CENPP: variants seen among roughly 807,000 people sequenced by gnomAD.
CENPP encodes the protein centromere protein P.
In CENPP, 24 loss-of-function variants were observed where a neutral mutation model predicts 35.6. That is an observed-to-expected ratio of 0.67 (90% CI 0.49 to 0.95). The LOEUF is 0.95. Among genes scored for constraint, CENPP ranks in the 40% least tolerant of loss-of-function variants. The pLI, the probability that CENPP is intolerant of heterozygous loss-of-function variation, is 0.00. For missense variants in CENPP, 332 were observed against 345.3 expected, an observed-to-expected ratio of 0.96 and a Z score of 0.31; for synonymous variants, 120 against 125.5, an observed-to-expected ratio of 0.96 and a Z score of 0.29.
At chr9:92,548,255 T>G (rs552261845) in intron 5 of CENPP, among the ~76,000 whole-genome samples, 1 of 152,310 alleles carries the variant, frequency 6.6e-6, no homozygotes, top group African/African-American at 2.4e-5. Context: ...AAAGCTCTCT[T>G]GCTGGTACTT....
rs897749111 is a variant in CENPP, at chr9:92,620,130, C to T, written c.*6981C>T. On this transcript the variant is annotated 3_prime_UTR_variant, in exon 8 of 8. Transcript: ENST00000375587. ...CCAACAGGGCAGCACGGCCGGCGTCCCACTTTACAGACAAGCAACAGACAC... is the reference window on the plus strand; with the variant it reads ...CCAACAGGGCAGCACGGCCGGCGTCTCACTTTACAGACAAGCAACAGACAC... The T allele has an allele frequency of 1.3e-5, 2 of 156,816 alleles. No homozygotes were observed. Among genetic ancestry groups the T allele is most frequent in the Admixed American group, 1.2e-4 (2 of 16,524 alleles). 9.7% of individuals were successfully genotyped at this position (156,816 alleles called of 1,614,324 possible). A position where few individuals can be genotyped will look rare whatever the true frequency, so the allele number is the denominator to read the frequency against.
Position 92,615,914 on chromosome 9 carries a change from G to GTCTT in CENPP, c.*2767_*2770dup. 1 of 1,614,218 alleles carries GTCTT rather than the reference G, an allele frequency of 6.2e-7. No homozygotes were observed. The highest frequency in any genetic ancestry group is 8.5e-7 in the Non-Finnish European group (1 of 1,180,032). On this transcript the variant is annotated 3_prime_UTR_variant, in exon 8 of 8. Coordinates refer to ENST00000375587, the MANE Select transcript of CENPP (RefSeq NM_001012267.3). Reference sequence around the variant, plus strand: ...CACGGCGTTGTCTTTGGCACGTACAGTCTTTGAATAATAGTTGACGATCTT... The same window carrying GTCTT: ...CACGGCGTTGTCTTTGGCACGTACAGTCTTTCTTTGAATAATAGTTGACGATCTT...
chr9:92,590,247 A>C (rs1850635231), intron 5 of CENPP, among the ~76,000 whole-genome samples: 1 of 152,208 alleles, frequency 6.6e-6, no homozygotes, highest in Non-Finnish European at 1.5e-5. Flanking sequence ...GGTTTTTTTC[A>C]AACTTTAACT....
intron 5 of CENPP, among the ~76,000 whole-genome samples, chr9:92,386,578 T>G (rs941828916): frequency 1.5e-4 from 23 of 152,160 alleles, no homozygotes; most frequent in Non-Finnish European, 2.9e-4. Context: ...CCGGCTCTAA[T>G]GCCAACTTCT....
At chr9:92,386,342 C>G in intron 5 of CENPP, 2 of 1,228,774 alleles carry the variant, frequency 1.6e-6, no homozygotes, top group Non-Finnish European at 2.4e-6. Context: ...TCTGTACATT[C>G]TTTCACAGGA....
In CENPP at chr9:92,514,849, C is replaced by CCCTCCTCCTCCTCAT. The variant is rs765316422; in HGVS notation, c.565-96451_565-96437dup. 4.8e-5 allele frequency: 77 copies of CCCTCCTCCTCCTCAT among 1,611,610 alleles called. No homozygotes were observed. The Middle Eastern group carries it at 9.9e-4, about 21-fold the overall frequency. On this transcript the variant is annotated intron_variant, in intron 5 of 7. Transcript: ENST00000375587. ...CTCCTCATCCTCCTCACCCTCCTCACCCTCCTCCTCCTCATCCTCCTCCTC... is the reference window on the plus strand; with the variant it reads ...CTCCTCATCCTCCTCACCCTCCTCACCCTCCTCCTCCTCATCCTCCTCCTCCTCATCCTCCTCCTC...
intron 5 of CENPP, among the ~76,000 whole-genome samples, chr9:92,387,072 A>AAAAG (rs1564290576): frequency 3.4e-5 from 5 of 149,006 alleles, no homozygotes; most frequent in African/African-American, 9.9e-5. Context: ...AAAAAAAAAA[A>AAAAG]AAAGAAATGT....
intron 5 of CENPP, among the ~76,000 whole-genome samples, chr9:92,516,071 T>A (rs528311989): frequency 7.1e-6 from 1 of 140,330 alleles, no homozygotes; most frequent in Non-Finnish European, 1.6e-5. Flanking sequence ...ATACTTTTTT[T>A]TCCCCCCCCC....
chr9:92,398,008 A>G (rs1842961521), intron 5 of CENPP, among the ~76,000 whole-genome samples: 1 of 152,118 alleles, frequency 6.6e-6, no homozygotes, highest in Non-Finnish European at 1.5e-5. Context: ...CGTATTTGTA[A>G]TGTTTCTCTG....
At chr9:92,463,864 A>T (rs1441062982) in intron 5 of CENPP, among the ~76,000 whole-genome samples, 3 of 152,196 alleles carry the variant, frequency 2.0e-5, no homozygotes, top group Non-Finnish European at 2.9e-5. Flanking sequence ...CTGGATAGAA[A>T]AGTTATTTTT....
At chr9:92,485,472 A>G (rs929706043) in intron 5 of CENPP, among the ~76,000 whole-genome samples, 3 of 152,264 alleles carry the variant, frequency 2.0e-5, no homozygotes, top group Non-Finnish European at 4.4e-5. Flanking sequence ...ATTGATTGCC[A>G]TAAAAGGAAC....
intron 5 of CENPP, among the ~76,000 whole-genome samples, chr9:92,539,859 A>G (rs1263648771): frequency 6.6e-6 from 1 of 152,188 alleles, no homozygotes; most frequent in Admixed American, 6.5e-5. Context: ...CTATTGATGG[A>G]CATTTGGGTT....
In CENPP at chr9:92,618,640, G is replaced by A. The variant is rs915999387; in HGVS notation, c.*5491G>A. On this transcript the variant is annotated 3_prime_UTR_variant, in exon 8 of 8. Transcript: ENST00000375587. ...TAGCCCTGTAGGTATTTCCTTAGGGGATAACAGGAGTTTTCAACTAAATAG... is the reference window on the plus strand; with the variant it reads ...TAGCCCTGTAGGTATTTCCTTAGGGAATAACAGGAGTTTTCAACTAAATAG... The A allele has an allele frequency of 2.3e-6, 1 of 444,240 alleles. No homozygotes were observed. Among genetic ancestry groups the A allele is most frequent in the Non-Finnish European group, 4.6e-6 (1 of 218,440 alleles). 27.5% of individuals were successfully genotyped at this position (444,240 alleles called of 1,614,324 possible).
At chr9:92,463,503 T>A (rs567103957) in intron 5 of CENPP, among the ~76,000 whole-genome samples, 36 of 152,322 alleles carry the variant, frequency 2.4e-4, no homozygotes, top group African/African-American at 8.7e-4. Context: ...TAAATAGAAT[T>A]TTGCAGTGTA....
chr9:92,558,836 C>T (rs1849783024), intron 5 of CENPP, among the ~76,000 whole-genome samples: 1 of 151,954 alleles, frequency 6.6e-6, no homozygotes, highest in South Asian at 2.1e-4. Context: ...GGGTGAGATT[C>T]CCAGGTCACT....
intron 5 of CENPP, chr9:92,459,568 A>G (rs1442751912): frequency 3.9e-6 from 6 of 1,519,850 alleles, no homozygotes; most frequent in Non-Finnish European, 5.4e-6. Flanking sequence ...GAGGTGTGCT[A>G]AAGTGTGTTA....
intron 5 of CENPP, among the ~76,000 whole-genome samples, chr9:92,590,892 G>C (rs370942584): frequency 6.6e-6 from 1 of 152,182 alleles, no homozygotes; most frequent in Non-Finnish European, 1.5e-5. Context: ...TTATTCAAAC[G>C]TGATGCAGCT....
chr9:92,457,754 C>G (rs975007307), intron 5 of CENPP, among the ~76,000 whole-genome samples: 3 of 152,162 alleles, frequency 2.0e-5, no homozygotes, highest in Non-Finnish European at 4.4e-5. Context: ...CGCTGTCTCT[C>G]TCTCTCTCCA....
chr9:92,540,663 C>T (rs1036621400), intron 5 of CENPP, among the ~76,000 whole-genome samples: 7 of 146,232 alleles, frequency 4.8e-5, no homozygotes, highest in Non-Finnish European at 7.5e-5. Context: ...CGCAGCTACT[C>T]GGGAGGCTGA....
Sources: allele counts gnomAD v4.1 joint callset (sites outside exome capture counted in the v4.1 genomes callset), GRCh38; gene constraint gnomAD v4.1.1; transcripts MANE v1.5; gene names NCBI Gene and HGNC (gene_info 2026-07-23, HGNC 2026-07-21).